LRP2BP: variants seen among roughly 807,000 people sequenced by gnomAD.
LRP2BP encodes the protein LRP2-binding protein.
A neutral mutation model predicts 45.2 loss-of-function variants in LRP2BP; 38 were observed. That is an observed-to-expected ratio of 0.84 (90% CI 0.65 to 1.10). LRP2BP has a LOEUF of 1.10. LRP2BP is among the 50% of genes least tolerant of loss of function. The probability of loss-of-function intolerance (pLI) is 0.00; values close to 1 mark genes in which losing one functional copy is unlikely to be tolerated. For synonymous variants in LRP2BP, 153 were observed against 153.9 expected (o/e 0.99, Z 0.04); for missense variants, 385 against 418.9 (o/e 0.92, Z 0.71).
At position 185,367,064 on chromosome 4, in the gene LRP2BP, A is replaced by T. The variant is rs2095390392; in HGVS notation, c.*116T>A. On this transcript the variant is annotated 3_prime_UTR_variant, in exon 9 of 9. Coordinates refer to ENST00000505916, the MANE Select transcript of LRP2BP (RefSeq NM_001377440.1). ...AAGAACGAAGTAACATGTCACCTGT[A>T]AAATACCCAGGATAGTGTAATTTGT... is the stretch of plus-strand genomic sequence containing the variant. The T allele has an allele frequency of 1.1e-6, 1 of 912,274 alleles. No homozygotes were observed. The highest frequency in any genetic ancestry group is 1.7e-6 in the Non-Finnish European group (1 of 589,586). The allele number at this position is 912,274 out of a possible 1,614,324, so 56.5% of individuals were successfully genotyped here.
chr4:185,389,881 G>A (rs1165472846), intron 1 of LRP2BP, among the ~76,000 whole-genome samples: 1 of 152,112 alleles, frequency 6.6e-6, no homozygotes. Flanking sequence ...AAAATACCAT[G>A]TGCACTTTAT....
Position 185,374,398 on chromosome 4 carries a change from T to G in LRP2BP, c.394A>C (p.Lys132Gln). 7 of 1,614,204 alleles carry G rather than the reference T, an allele frequency of 4.3e-6. No homozygotes were observed. The highest frequency in any genetic ancestry group is 5.9e-6 in the Non-Finnish European group (7 of 1,180,022). ...CCGAGGTTGTAAGCAGCTGCAAATT[T>G]TAAGTGTCTTGCTTTGGGACATGGA... is the stretch of plus-strand genomic sequence containing the variant. ...DSPCPKARHL[K>Q]FAAAYNLGRA... The change falls in exon 5 of 9, where the codon AAA becomes CAA. Residue 132 changes from lysine to glutamine, a missense_variant. Lys to Gln is a moderately conservative substitution (Grantham distance 53, BLOSUM62 1). Transcript: ENST00000505916.
intron 1 of LRP2BP, among the ~76,000 whole-genome samples, chr4:185,384,753 T>C (rs1348679614): frequency 6.6e-6 from 1 of 151,928 alleles, no homozygotes; most frequent in East Asian, 1.9e-4. Context: ...AAAAACCCCA[T>C]AGTGTTCATA....
intron 8 of LRP2BP, among the ~76,000 whole-genome samples, chr4:185,369,227 C>CTTTTT (rs35543353): frequency 6.9e-5 from 7 of 100,928 alleles, no homozygotes; most frequent in Non-Finnish European, 9.5e-5. Flanking sequence ...ATACAGAGAG[C>CTTTTT]TTTTTTTTTT....
At chr4:185,373,136 G>C in intron 6 of LRP2BP, 57 bp from the exon 7 acceptor site, 1 of 1,458,296 alleles carries the variant, frequency 6.9e-7, no homozygotes, top group Non-Finnish European at 9.6e-7. Flanking sequence ...AAATTATAAG[G>C]GAATACTAGA....
chr4:185,370,532 G>T, intron 8 of LRP2BP, 108 bp downstream of exon 8: 1 of 1,122,320 alleles, frequency 8.9e-7, no homozygotes, highest in Non-Finnish European at 1.3e-6. Flanking sequence ...GAGGTTATCT[G>T]CACAGTAATT....
chr4:185,384,282 C>T (rs568141004), intron 1 of LRP2BP, among the ~76,000 whole-genome samples: 2 of 152,252 alleles, frequency 1.3e-5, no homozygotes, highest in East Asian at 3.9e-4. Flanking sequence ...CTGAATCTGC[C>T]AGTGCCTTGA....
chr4:185,393,674 T>C (rs2095494243), intron 1 of LRP2BP, among the ~76,000 whole-genome samples: 2 of 151,888 alleles, frequency 1.3e-5, no homozygotes, highest in Non-Finnish European at 2.9e-5. Flanking sequence ...TACAGGCACC[T>C]GCCACCACGC....
rs143269415 is a variant in LRP2BP, at chr4:185,374,375, G to A, written c.417C>T (p.Leu139=). ...RHLKFAAAYN[L]GRAYYEGKGV... is the part of the protein sequence containing the mutation. ...CTTTTCCTTCATAATAAGCTCTTCC[G>A]AGGTTGTAAGCAGCTGCAAATTTTA... is the stretch of plus-strand genomic sequence containing the variant. Residue 139 remains leucine (L), a synonymous_variant, in exon 5 of 9, where the codon CTC becomes CTT. Coordinates refer to ENST00000505916, the MANE Select transcript of LRP2BP (RefSeq NM_001377440.1). The A allele has an allele frequency of 2.9e-4, 472 of 1,614,064 alleles. No homozygotes were observed. Among genetic ancestry groups the A allele is most frequent in the South Asian group, 1.1e-3 (103 of 91,070 alleles).
rs1343800676 is a variant in LRP2BP at position 185,364,189 on chromosome 4, A to G, written c.*2991T>C. On this transcript the variant is annotated 3_prime_UTR_variant, in exon 9 of 9. Transcript: ENST00000505916. ...GCCAAATTAGTGCTTGAAGTGAGGCATTAGGGAGGAGAGATGGGAGCTGAC... is the reference window on the plus strand; with the variant it reads ...GCCAAATTAGTGCTTGAAGTGAGGCGTTAGGGAGGAGAGATGGGAGCTGAC... 1.3e-5 allele frequency: 2 copies of G among 152,226 alleles called. No homozygotes were observed. Among genetic ancestry groups the G allele is most frequent in the East Asian group, 3.8e-4 (2 of 5,196 alleles). The allele number at this position is 152,226 out of a possible 1,614,324, so 9.4% of individuals were successfully genotyped here.
chr4:185,367,184 A>C lies in LRP2BP; in HGVS notation c.1040T>G (p.Ile347Ser), dbSNP rs1319295491. Residue 347 changes from isoleucine (I) to serine (S), a missense_variant, in exon 9 of 9, where the codon ATT (isoleucine) becomes AGT (serine). Ile to Ser is a moderately radical substitution (Grantham distance 142). Transcript: ENST00000505916. ...ELHSLLIRQR[I>S] is the part of the protein sequence containing the mutation. ...TTTGTTGAAATACATTGTGGTCTAA[A>C]TTCTTTGACGAATAAGTAAGGAGTG... 6.2e-7 allele frequency: 1 copy of C among 1,612,266 alleles called. No homozygotes were observed. The highest frequency in any genetic ancestry group is 8.5e-7 in the Non-Finnish European group (1 of 1,178,870).
At position 185,394,894 on chromosome 4, in the gene LRP2BP, A is replaced by G; in HGVS notation, c.-137T>C. 1.0e-6 allele frequency: 1 copy of G among 985,440 alleles called. No individual in the cohort carries two copies. The highest frequency in any genetic ancestry group is 4.7e-5 in the South Asian group (1 of 21,288). The allele number at this position is 985,440 out of a possible 1,614,324, so 61.0% of individuals were successfully genotyped here. A position where few individuals can be genotyped will look rare whatever the true frequency, so the allele number is the denominator to read the frequency against. On this transcript the variant is annotated 5_prime_UTR_variant, in exon 1 of 9. Coordinates refer to ENST00000505916, the MANE Select transcript of LRP2BP (RefSeq NM_001377440.1). ...CACTGCTTAGGAGAACGCCTATAAA[A>G]TATGCATCTTAGATCATCTTCCGTT...
chr4:185,387,035 T>G (rs1174437963), intron 1 of LRP2BP, among the ~76,000 whole-genome samples: 2 of 152,052 alleles, frequency 1.3e-5, no homozygotes, highest in Non-Finnish European at 2.9e-5. Flanking sequence ...CACCTGAGGT[T>G]AGGAGTTCGA....
At chr4:185,392,163 C>A (rs955784419) in intron 1 of LRP2BP, among the ~76,000 whole-genome samples, 1 of 152,164 alleles carries the variant, frequency 6.6e-6, no homozygotes, top group African/African-American at 2.4e-5. Flanking sequence ...GTAATTTCCA[C>A]ATTTCATTGA....
At chr4:185,370,959 G>T in intron 7 of LRP2BP, 145 bp from the exon 8 acceptor site, 1 of 773,556 alleles carries the variant, frequency 1.3e-6, no homozygotes, top group Non-Finnish European at 2.1e-6. Context: ...GTGGGGAAGG[G>T]TCCATGTAGG....
upstream of LRP2BP, chr4:185,396,008 C>T (rs1192911759): frequency 8.6e-6 from 6 of 695,940 alleles, no homozygotes; most frequent in South Asian, 1.3e-4. Context: ...CGACAGCACC[C>T]GCGGGGCCGG....
chr4:185,390,804 C>T (rs568346766), intron 1 of LRP2BP: 1 of 152,008 alleles, frequency 6.6e-6, no homozygotes, highest in Non-Finnish European at 1.5e-5. Flanking sequence ...TTTTGAAGTA[C>T]ACTTTATGTT....
At chr4:185,369,069 C>T (rs1330622002) in intron 8 of LRP2BP, among the ~76,000 whole-genome samples, 1 of 152,066 alleles carries the variant, frequency 6.6e-6, no homozygotes, top group Non-Finnish European at 1.5e-5. Context: ...GCTGGGATTA[C>T]AGGCATGAGC....
Position 185,370,811 on chromosome 4 carries a change from G to A in LRP2BP, c.807C>T (p.Ile269=), listed in dbSNP as rs113662082. The change falls in exon 8 of 9, where the codon ATC becomes ATT. Residue 269 remains isoleucine (I), a synonymous_variant. Coordinates refer to ENST00000505916, the MANE Select transcript of LRP2BP (RefSeq NM_001377440.1). The stretch of plus-strand genomic sequence containing the variant: ...TGTCGTGAACCTCATCATAGTCAGC[G>A]ATCCTGAGAGGATGTAGAGTTGTGA... ...FTKCVAFSKR[I]ADYDEVHDIP... 3.8e-4 allele frequency: 620 copies of A among 1,614,022 alleles called. 1 individual carries two copies. The highest frequency in any genetic ancestry group is 4.9e-4 in the Non-Finnish European group (573 of 1,179,964).
Sources: allele counts gnomAD v4.1 joint callset (sites outside exome capture counted in the v4.1 genomes callset), GRCh38; gene constraint gnomAD v4.1.1; transcripts MANE v1.5; gene names NCBI Gene and HGNC (gene_info 2026-07-23, HGNC 2026-07-21).